Variants in PTPRF observed in about 807,000 individuals in gnomAD.
The protein encoded by PTPRF is protein tyrosine phosphatase receptor type F.
PTPRF carries 59 observed loss-of-function variants against 201.8 expected under a neutral mutation model. The ratio of observed to expected loss-of-function variants is 0.29; its 90% CI spans 0.24 to 0.36. The LOEUF is 0.36. Ranked by LOEUF, PTPRF falls within the 10% of genes least tolerant of loss-of-function variation. PTPRF has a pLI of 1.00. For synonymous variants in PTPRF, 1,088 were observed against 1,089.7 expected (o/e 1.00, Z 0.03); for missense variants, 2,132 against 2,690.5 (o/e 0.79, Z 4.59).
At chr1:43,597,518 C>T (rs1280969454) in intron 11 of PTPRF, among the ~76,000 whole-genome samples, 3 of 151,920 alleles carry the variant, frequency 2.0e-5, no homozygotes, top group African/African-American at 7.3e-5. Flanking sequence ...GTGTGTGTAT[C>T]ACCGTGTGTG....
intron 12 of PTPRF, chr1:43,598,382 G>A: frequency 2.2e-6 from 1 of 455,192 alleles, no homozygotes; most frequent in Non-Finnish European, 3.9e-6. Flanking sequence ...CTGGACATTG[G>A]CATGATTGGG....
chr1:43,545,176 A>G lies in PTPRF; in HGVS notation c.91+10A>G, dbSNP rs2153964518. 6.4e-7 allele frequency: 1 copy of G among 1,566,960 alleles called. No individual in the cohort carries two copies. Among genetic ancestry groups the G allele is most frequent in the Non-Finnish European group, 8.7e-7 (1 of 1,155,428 alleles). ...GGCGCCCATGGTGACAGTAAGTCTG[A>G]CCCCTCAAGGTACAGATCTCCCAGG... On this transcript the variant is annotated intron_variant, in intron 3 of 33. Transcript: ENST00000359947.
At chr1:43,555,548 C>G (rs764486605) in intron 5 of PTPRF, among the ~76,000 whole-genome samples, 1 of 149,790 alleles carries the variant, frequency 6.7e-6, no homozygotes, top group Non-Finnish European at 1.5e-5. Flanking sequence ...TGGGTTCAAG[C>G]GATTCTCCTG....
At chr1:43,613,963 G>A (rs1458089315) in intron 23 of PTPRF, among the ~76,000 whole-genome samples, 2 of 152,212 alleles carry the variant, frequency 1.3e-5, no homozygotes, top group East Asian at 1.9e-4. Context: ...AAGGCTGTGA[G>A]TGACACCAGG....
At chr1:43,592,697 G>T (rs1000569662) in intron 11 of PTPRF, 96 bp downstream of exon 11, 4 of 1,382,524 alleles carry the variant, frequency 2.9e-6, no homozygotes, top group Non-Finnish European at 3.8e-6. Flanking sequence ...GGCAGGTGGG[G>T]TGGTCAGGTC....
chr1:43,621,295 T>A, intron 33 of PTPRF, 63 bp downstream of exon 33: 1 of 1,581,362 alleles, frequency 6.3e-7, no homozygotes, highest in Non-Finnish European at 8.6e-7. Flanking sequence ...ACCCTAGGCT[T>A]TAGCAACAGT....
In PTPRF at chr1:43,604,884, T is replaced by C; in HGVS notation, c.3038-19T>C. On this transcript the variant is annotated intron_variant, in intron 16 of 33. Transcript: ENST00000359947. ...ACCTCATATACCCAGCAGAGCTGACTCTCTCTATGCCTTTGCAGTGTTTGC... is the reference window on the plus strand; with the variant it reads ...ACCTCATATACCCAGCAGAGCTGACCCTCTCTATGCCTTTGCAGTGTTTGC... The C allele has an allele frequency of 6.2e-7, 1 of 1,609,906 alleles. No homozygotes were observed. Among genetic ancestry groups the C allele is most frequent in the East Asian group, 2.2e-5 (1 of 44,854 alleles).
At position 43,542,417 on chromosome 1, in the gene PTPRF, G is replaced by A. The variant is rs74071955; in HGVS notation, c.-45-2614G>A. Among the ~76,000 whole-genome samples, 2 of 152,100 alleles carry A rather than the reference G, an allele frequency of 1.3e-5. No homozygotes were observed. The highest frequency in any genetic ancestry group is 3.9e-4 in the East Asian group (2 of 5,192). ...CATGGACCACTGGAAGAAGCTCTCT[G>A]TTCTACTTTCTGGATCTGAACAAAG... On this transcript the variant is annotated intron_variant, in intron 2 of 33. Transcript: ENST00000359947. This position sits in a 1 kb window ranked among gnomAD's most constrained non-coding sequence, Gnocchi z 5.2.
In PTPRF at chr1:43,588,200, A is replaced by G. The variant is rs1367647375; in HGVS notation, c.680-531A>G. Among the ~76,000 whole-genome samples the G allele has an allele frequency of 6.6e-6, 1 of 151,980 alleles. No individual in the cohort carries two copies. The highest frequency in any genetic ancestry group is 1.5e-5 in the Non-Finnish European group (1 of 67,994). On this transcript the variant is annotated intron_variant, in intron 7 of 33. Coordinates refer to ENST00000359947, the MANE Select transcript of PTPRF (RefSeq NM_002840.5). The surrounding 1 kb of genome is among the most constrained non-coding windows in gnomAD (Gnocchi z 5.3). Reference sequence around the variant, plus strand: ...GCTGCTTGCCTTATTTCTTCCCCTCAGGCCATGGCCTGGAGGTGGAGGCAG... The same window carrying G: ...GCTGCTTGCCTTATTTCTTCCCCTCGGGCCATGGCCTGGAGGTGGAGGCAG...
chr1:43,576,772 A>G (rs1646957505), intron 6 of PTPRF, among the ~76,000 whole-genome samples: 1 of 152,190 alleles, frequency 6.6e-6, no homozygotes, highest in African/African-American at 2.4e-5. Context: ...ACACCTGTAA[A>G]ATGGTGGCTT....
rs71854306 is a variant in PTPRF at position 43,534,032 on chromosome 1, TCGGAGGTCAGGGTGAGGTGAGTC to T, written c.-126+2944_-126+2966del. On this transcript the variant is annotated intron_variant, in intron 1 of 33. Coordinates refer to ENST00000359947, the MANE Select transcript of PTPRF (RefSeq NM_002840.5). ...AGTTCATCAAGAGACGGGGGAGAGT[TCGGAGGTCAGGGTGAGGTGAGTC>T]CCAGAGGAGACCAAGAAGAAGTGAT... Among the ~76,000 whole-genome samples the T allele has an allele frequency of 3.6e-3, 541 of 152,124 alleles. 2 individuals carry two copies. The highest frequency in any genetic ancestry group is 0.012 in the African/African-American group (513 of 41,470).
At chr1:43,569,150 G>C (rs941932920) in intron 5 of PTPRF, among the ~76,000 whole-genome samples, 1 of 152,162 alleles carries the variant, frequency 6.6e-6, no homozygotes, top group African/African-American at 2.4e-5. Flanking sequence ...ACAGGGGAGA[G>C]GGGGCTGGAC....
chr1:43,564,377 C>T (rs528631385), intron 5 of PTPRF, among the ~76,000 whole-genome samples: 76 of 152,184 alleles, frequency 5.0e-4, no homozygotes, highest in Non-Finnish European at 9.8e-4. Flanking sequence ...CTACGAGGTT[C>T]CTTCATGTGT....
At chr1:43,557,016 T>G (rs899653456) in intron 5 of PTPRF, among the ~76,000 whole-genome samples, 6 of 152,212 alleles carry the variant, frequency 3.9e-5, no homozygotes, top group Non-Finnish European at 8.8e-5. Flanking sequence ...GTTTCCCCAC[T>G]CGTGACCTGG....
At chr1:43,617,364 G>A (rs1056966846) in intron 23 of PTPRF, 81 bp from the exon 24 acceptor site, 27 of 1,576,408 alleles carry the variant, frequency 1.7e-5, no homozygotes, top group Admixed American at 1.2e-4. Context: ...GAGCATCACC[G>A]GGAAGGCTGG....
At chr1:43,573,343 T>C (rs1646699965) in intron 6 of PTPRF, among the ~76,000 whole-genome samples, 1 of 152,140 alleles carries the variant, frequency 6.6e-6, no homozygotes, top group African/African-American at 2.4e-5. Context: ...CCTGAACATA[T>C]GAGCTGCCAT....
chr1:43,542,331 GTGTT>G lies in PTPRF; in HGVS notation c.-45-2696_-45-2693del, dbSNP rs1229865860. On this transcript the variant is annotated intron_variant, in intron 2 of 33. Transcript: ENST00000359947. The surrounding 1 kb of genome is among the most constrained non-coding windows in gnomAD (Gnocchi z 5.2). ...GCTGCCAGAGTAGTTGCCTGAGAAT[GTGTT>G]TGTGTGTGTCCCTTGTGTTTCCCCA... 6.6e-6 allele frequency among the ~76,000 whole-genome samples: 1 copy of G among 152,152 alleles called. No homozygotes were observed. The highest frequency in any genetic ancestry group is 1.5e-5 in the Non-Finnish European group (1 of 68,008).
intron 21 of PTPRF, 79 bp from the exon 22 acceptor site, chr1:43,609,304 C>G (rs1401018901): frequency 3.3e-6 from 4 of 1,213,556 alleles, no homozygotes; most frequent in Non-Finnish European, 4.8e-6. Context: ...ATGGGGGCTC[C>G]TTGGCAGCCA....
intron 17 of PTPRF, 52 bp from the exon 18 acceptor site, chr1:43,605,138 G>T: frequency 1.9e-6 from 3 of 1,575,944 alleles, no homozygotes; most frequent in Non-Finnish European, 2.6e-6. Flanking sequence ...CTTGCAGCCC[G>T]TGGTAGGGAA....
Sources: gnomAD v4.1 joint callset for allele counts (sites outside exome capture counted in the v4.1 genomes callset) on GRCh38, gnomAD v4.1.1 for gene constraint, Gnocchi (gnomAD v3.1) non-coding constraint, MANE v1.5 for transcripts, NCBI Gene and HGNC (gene_info 2026-07-23, HGNC 2026-07-21) for gene names.